The following FRMD5 variants were observed in gnomAD, a reference collection of about 807,000 sequenced individuals.
The protein encoded by FRMD5 is FERM domain containing 5, also known as FERM domain-containing protein 5.
A neutral mutation model predicts 69.0 loss-of-function variants in FRMD5; 20 were observed. The observed-to-expected ratio is 0.29, with a 90% confidence interval of 0.20 to 0.42. The LOEUF (loss-of-function observed/expected upper bound fraction) is 0.42. FRMD5 is among the 10% of genes least tolerant of loss of function. The pLI, the probability that FRMD5 is intolerant of heterozygous loss-of-function variation, is 1.00. For synonymous variants in FRMD5, 271 were observed against 260.1 expected (o/e 1.04, Z -0.40); for missense variants, 595 against 708.6 (o/e 0.84, Z 1.82).
intron 1 of FRMD5, among the ~76,000 whole-genome samples, chr15:43,980,605 G>A (rs2090533489): frequency 6.6e-6 from 1 of 152,012 alleles, no homozygotes; most frequent in East Asian, 1.9e-4. Context: ...CTTGTCTCTT[G>A]ACAATTTTCC....
chr15:44,165,147 G>A (rs927528607), intron 1 of FRMD5, among the ~76,000 whole-genome samples: 9 of 152,308 alleles, frequency 5.9e-5, no homozygotes, highest in East Asian at 3.9e-4. Context: ...GGCCAGGAGC[G>A]GTGGCTCACA....
chr15:44,136,914 A>G, intron 1 of FRMD5, among the ~76,000 whole-genome samples: 1 of 152,202 alleles, frequency 6.6e-6, no homozygotes, highest in South Asian at 2.1e-4. Flanking sequence ...TGCACCCTTC[A>G]CACAACAGCG....
intron 1 of FRMD5, among the ~76,000 whole-genome samples, chr15:44,085,534 G>A (rs1044495866): frequency 1.3e-5 from 2 of 152,172 alleles, no homozygotes; most frequent in African/African-American, 4.8e-5. Context: ...GCAGCCCTGT[G>A]GGTGGTTAGG....
chr15:44,086,773 T>G (rs1385851372), intron 1 of FRMD5, among the ~76,000 whole-genome samples: 1 of 152,088 alleles, frequency 6.6e-6, no homozygotes. Flanking sequence ...CTTCCATGGA[T>G]GGAGATATTT....
chr15:43,951,147 G>A (rs527625200), intron 1 of FRMD5, among the ~76,000 whole-genome samples: 35 of 152,162 alleles, frequency 2.3e-4, no homozygotes, highest in East Asian at 1.5e-3. Flanking sequence ...AGTGCCAGGC[G>A]TGGTGGCTCA....
intron 1 of FRMD5, among the ~76,000 whole-genome samples, chr15:44,104,850 C>T (rs1460568926): frequency 1.3e-5 from 2 of 152,046 alleles, no homozygotes; most frequent in East Asian, 1.9e-4. Flanking sequence ...GTAGTCTTCT[C>T]GATTGGTTTC....
At chr15:43,953,700 C>A (rs929155726) in intron 1 of FRMD5, among the ~76,000 whole-genome samples, 2 of 152,214 alleles carry the variant, frequency 1.3e-5, no homozygotes, top group Non-Finnish European at 2.9e-5. Flanking sequence ...CACTCCTGTG[C>A]CAACAGAGAG....
chr15:44,094,463 C>T (rs2076522264), intron 1 of FRMD5, among the ~76,000 whole-genome samples: 1 of 152,144 alleles, frequency 6.6e-6, no homozygotes, highest in Non-Finnish European at 1.5e-5. Flanking sequence ...ACCCATTAGT[C>T]CTAACTAGGA....
At chr15:44,058,878 T>A (rs1205151018) in intron 1 of FRMD5, among the ~76,000 whole-genome samples, 1 of 151,344 alleles carries the variant, frequency 6.6e-6, no homozygotes, top group Admixed American at 6.6e-5. Flanking sequence ...GAGGAACAAA[T>A]AGGCATTTTT....
At chr15:43,993,757 T>C (rs1889796032) in intron 1 of FRMD5, among the ~76,000 whole-genome samples, 1 of 152,224 alleles carries the variant, frequency 6.6e-6, no homozygotes, top group Non-Finnish European at 1.5e-5. Context: ...TATACTTAGG[T>C]GCTCCAGTGT....
intron 1 of FRMD5, among the ~76,000 whole-genome samples, chr15:43,938,890 C>G (rs1353911445): frequency 6.6e-6 from 1 of 152,144 alleles, no homozygotes; most frequent in Non-Finnish European, 1.5e-5. Context: ...GAGACAGAGT[C>G]TCACCCTGTC....
intron 1 of FRMD5, among the ~76,000 whole-genome samples, chr15:44,013,263 T>C (rs1164983374): frequency 6.6e-6 from 1 of 152,160 alleles, no homozygotes; most frequent in Non-Finnish European, 1.5e-5. Context: ...CGTGGTGGCA[T>C]GCCCCCGTCA....
At chr15:44,152,536 A>G (rs1336740518) in intron 1 of FRMD5, among the ~76,000 whole-genome samples, 1 of 152,234 alleles carries the variant, frequency 6.6e-6, no homozygotes. Flanking sequence ...ACCACCAAAC[A>G]GCATTCTTGA....
chr15:44,001,637 C>T (rs1158486691), intron 1 of FRMD5, among the ~76,000 whole-genome samples: 1 of 147,618 alleles, frequency 6.8e-6, no homozygotes, highest in Non-Finnish European at 1.5e-5. Flanking sequence ...AGACAAAAAT[C>T]ACTTTGTCAT....
rs536175610 is a variant in FRMD5, at chr15:44,183,536, C to T, written c.102+11417G>A. Among the ~76,000 whole-genome samples the T allele has an allele frequency of 5.8e-4, 89 of 152,244 alleles. 2 individuals carry two copies. Among genetic ancestry groups the T allele is most frequent in the Admixed American group, 5.2e-4 (8 of 15,294 alleles). On this transcript the variant is annotated intron_variant, in intron 1 of 13. Coordinates refer to ENST00000417257, the MANE Select transcript of FRMD5 (RefSeq NM_032892.5). The stretch of plus-strand genomic sequence containing the variant: ...CCAGCAGAGGGTTCTATACCCAGCA[C>T]CAGTGCACTGTGGCAGAGTATTGTG...
chr15:44,171,574 T>C (rs1463039702), intron 1 of FRMD5, among the ~76,000 whole-genome samples: 1 of 152,188 alleles, frequency 6.6e-6, no homozygotes, highest in Non-Finnish European at 1.5e-5. Flanking sequence ...TAAGGTACGA[T>C]TTTCCCAAAA....
At chr15:43,978,976 C>T (rs2090506981) in intron 1 of FRMD5, among the ~76,000 whole-genome samples, 1 of 152,190 alleles carries the variant, frequency 6.6e-6, no homozygotes, top group Non-Finnish European at 1.5e-5. Flanking sequence ...TCCTAAATCT[C>T]CAGTAAGTAA....
rs190639182 is a variant in FRMD5 at position 44,128,954 on chromosome 15, C to A, written c.102+65999G>T. Among the ~76,000 whole-genome samples the A allele has an allele frequency of 4.3e-3, 657 of 152,182 alleles. 3 individuals are homozygous for A. The highest frequency in any genetic ancestry group is 0.024 in the South Asian group (115 of 4,808). ...TTTGGAGAAGGTAGGCAGTGTTAAC[C>A]AAACAGCAGCTAGGAGTACAACATT... On this transcript the variant is annotated intron_variant, in intron 1 of 13. Coordinates refer to ENST00000417257, the MANE Select transcript of FRMD5 (RefSeq NM_032892.5).
At chr15:44,053,286 G>T (rs1205424031) in intron 1 of FRMD5, among the ~76,000 whole-genome samples, 1 of 152,150 alleles carries the variant, frequency 6.6e-6, no homozygotes, top group Non-Finnish European at 1.5e-5. Context: ...GCCAGTCATG[G>T]TAAAGATTTA....
Sources: allele counts gnomAD v4.1 joint callset (sites outside exome capture counted in the v4.1 genomes callset), GRCh38; gene constraint gnomAD v4.1.1; transcripts MANE v1.5; gene names NCBI Gene and HGNC (gene_info 2026-07-23, HGNC 2026-07-21).